The following CCDC195 variants were observed in gnomAD, a reference collection of about 807,000 sequenced individuals.
The protein encoded by CCDC195 is coiled-coil domain containing 195.
At chr2:224,713,082 T>C (rs1689333807) in intron 1 of CCDC195, among the ~76,000 whole-genome samples, 2 of 152,158 alleles carry the variant, frequency 1.3e-5, no homozygotes, top group Admixed American at 6.5e-5. Flanking sequence ...TTAGCCAGGA[T>C]GGTCTCGATC....
chr2:224,715,792 T>C (rs1689376022), intron 1 of CCDC195, among the ~76,000 whole-genome samples: 1 of 152,190 alleles, frequency 6.6e-6, no homozygotes. Context: ...CCATTTGACA[T>C]ACACACATTC....
At chr2:224,712,759 A>T (rs1689330621) in intron 1 of CCDC195, among the ~76,000 whole-genome samples, 1 of 152,208 alleles carries the variant, frequency 6.6e-6, no homozygotes, top group Admixed American at 6.5e-5. Flanking sequence ...GTTTCCAAAA[A>T]AGGATTGGAG....
chr2:224,710,336 T>G, intron 1 of CCDC195, 117 bp from the exon 2 acceptor site: 1 of 396,584 alleles, frequency 2.5e-6, no homozygotes, highest in Non-Finnish European at 4.4e-6. Flanking sequence ...TCTCATTACT[T>G]TTTTGGCATA....
chr2:224,714,568 C>T (rs958326220), intron 1 of CCDC195, among the ~76,000 whole-genome samples: 1 of 152,162 alleles, frequency 6.6e-6, no homozygotes, highest in African/African-American at 2.4e-5. Context: ...GCCAGGGAAG[C>T]TGCTAAACAC....
chr2:224,708,011 T>TTC (rs1689247085), intron 2 of CCDC195, among the ~76,000 whole-genome samples: 5 of 84,818 alleles, frequency 5.9e-5, no homozygotes, highest in Admixed American at 5.2e-4. Flanking sequence ...TTCCTTCCTT[T>TTC]CTTCCTTCCT....
intron 2 of CCDC195, among the ~76,000 whole-genome samples, chr2:224,705,939 G>C (rs1300942829): frequency 1.3e-5 from 2 of 151,976 alleles, no homozygotes; most frequent in African/African-American, 4.8e-5. Context: ...TGTTGGTTAG[G>C]TTCCCATACT....
chr2:224,716,323 G>A (rs1003354808), exon 1 of CCDC195: 17 of 398,452 alleles, frequency 4.3e-5, no homozygotes, highest in African/African-American at 2.1e-5. Context: ...ATCTCTGCCC[G>A]CATTTCCTGG....
intron 1 of CCDC195, among the ~76,000 whole-genome samples, chr2:224,713,289 A>T (rs1689342907): frequency 6.6e-6 from 1 of 152,190 alleles, no homozygotes; most frequent in Admixed American, 6.5e-5. Context: ...TCAAATAATA[A>T]TATTTTTCTG....
exon 2 of CCDC195, chr2:224,710,023 G>C (rs1026273465): frequency 2.5e-6 from 1 of 398,472 alleles, no homozygotes; most frequent in African/African-American, 2.1e-5. Flanking sequence ...TCCTATTGCT[G>C]GTGAGAGAAT....
At chr2:224,715,881 C>T (rs1003248880) in intron 1 of CCDC195, among the ~76,000 whole-genome samples, 4 of 152,158 alleles carry the variant, frequency 2.6e-5, no homozygotes, top group Non-Finnish European at 5.9e-5. Flanking sequence ...GACTGATTTC[C>T]ACAAACCTGT....
intron 2 of CCDC195, among the ~76,000 whole-genome samples, chr2:224,706,621 C>T (rs894442942): frequency 6.7e-6 from 1 of 150,354 alleles, no homozygotes; most frequent in Admixed American, 6.7e-5. Flanking sequence ...AGCGATTCTC[C>T]TGCCTCAGCC....
intron 2 of CCDC195, among the ~76,000 whole-genome samples, chr2:224,707,669 G>A (rs1689231715): frequency 6.6e-6 from 1 of 152,184 alleles, no homozygotes; most frequent in Admixed American, 6.5e-5. Flanking sequence ...AGCTCCACAT[G>A]GGCAGGGGTT....
In CCDC195 at chr2:224,716,061, A is replaced by G. The variant is rs1574758442; in HGVS notation, c.235+70T>C. 4 of 397,820 alleles carry G rather than the reference A, an allele frequency of 1.0e-5. No individual in the cohort carries two copies. In the East Asian group the frequency reaches 1.4e-4, roughly 14 times the overall value. 24.6% of individuals were successfully genotyped at this position (397,820 alleles called of 1,614,324 possible). A position where few individuals can be genotyped will look rare whatever the true frequency, so the allele number is the denominator to read the frequency against. On this transcript the variant is annotated intron_variant, in intron 1 of 2. Coordinates refer to ENST00000638102, the Ensembl canonical transcript of CCDC195. ...AACTATACAGTTATCTGATCAGCACAATACACTTAACTATTTCACGATATT... is the reference window on the plus strand; with the variant it reads ...AACTATACAGTTATCTGATCAGCACGATACACTTAACTATTTCACGATATT...
chr2:224,706,048 CATT>C (rs370263116), intron 2 of CCDC195, among the ~76,000 whole-genome samples: 88 of 151,990 alleles, frequency 5.8e-4, no homozygotes, highest in African/African-American at 2.0e-3. Flanking sequence ...AAAAGTAAAA[CATT>C]ATGATATATA....
intron 1 of CCDC195, among the ~76,000 whole-genome samples, chr2:224,715,747 T>C (rs1689375349): frequency 6.6e-6 from 1 of 152,172 alleles, no homozygotes; most frequent in South Asian, 2.1e-4. Context: ...CCTTATCTGG[T>C]GTGCAGTACT....
chr2:224,709,691 T>G (rs1559321162), intron 2 of CCDC195, among the ~76,000 whole-genome samples: 1 of 152,208 alleles, frequency 6.6e-6, no homozygotes, highest in Non-Finnish European at 1.5e-5. Context: ...TGCTGAATCT[T>G]GTATCACCAG....
Position 224,706,613 on chromosome 2 carries a change from C to T in CCDC195, c.483-2726G>A, listed in dbSNP as rs545068434. ...GCAAACTGTGCCTCCCAGGTTCAAG[C>T]GATTCTCCTGCCTCAGCCTCCCAAG... On this transcript the variant is annotated intron_variant, in intron 2 of 2. Coordinates refer to ENST00000638102, the Ensembl canonical transcript of CCDC195. Among the ~76,000 whole-genome samples the T allele has an allele frequency of 1.6e-3, 231 of 148,242 alleles. 2 individuals are homozygous for T. The highest frequency in any genetic ancestry group is 5.1e-3 in the African/African-American group (206 of 40,048).
At position 224,710,221 on chromosome 2, in the gene CCDC195, T is replaced by G. The variant is rs901672214; in HGVS notation, c.236-2A>C. 1.3e-5 allele frequency: 5 copies of G among 398,590 alleles called. No homozygotes were observed. The highest frequency in any genetic ancestry group is 1.8e-5 in the Non-Finnish European group (4 of 226,060). 24.7% of individuals were successfully genotyped at this position (398,590 alleles called of 1,614,324 possible). A position where few individuals can be genotyped will look rare whatever the true frequency, so the allele number is the denominator to read the frequency against. On this transcript the variant is annotated splice_acceptor_variant, in intron 1 of 2. Coordinates refer to ENST00000638102, the Ensembl canonical transcript of CCDC195. LOFTEE classifies it high-confidence loss of function. ...AGCGTCTAACAATCATGACATTGCC[T>G]GTACAAAAGACACAAAATCCAACTT... is the stretch of plus-strand genomic sequence containing the variant.
At chr2:224,704,043 T>A (rs1364447008) in intron 2 of CCDC195, among the ~76,000 whole-genome samples, 156 bp from the exon 3 acceptor site, 4 of 152,178 alleles carry the variant, frequency 2.6e-5, no homozygotes, top group East Asian at 1.9e-4. Context: ...TGTTCAACAA[T>A]GATGTAAGGA....
Sources: allele counts gnomAD v4.1 joint callset (sites outside exome capture counted in the v4.1 genomes callset), GRCh38; gene constraint gnomAD v4.1.1; transcripts MANE v1.5; gene names NCBI Gene and HGNC (gene_info 2026-07-23, HGNC 2026-07-21).